Variants in HMCN1 observed in about 807,000 individuals in gnomAD.
HMCN1 encodes hemicentin-1.
A neutral mutation model predicts 625.9 loss-of-function variants in HMCN1; 321 were observed. That is an observed-to-expected ratio of 0.51 (90% CI 0.47 to 0.56). The LOEUF (loss-of-function observed/expected upper bound fraction) is 0.56, where lower values mean the gene tolerates loss of function less well. HMCN1 is among the 20% of genes least tolerant of loss of function. The pLI is 0.00. For synonymous variants in HMCN1, 2,425 were observed against 2,417.6 expected, an observed-to-expected ratio of 1.00 and a Z score of -0.09; for missense variants, 6,588 against 6,887.3, an observed-to-expected ratio of 0.96 and a Z score of 1.54.
intron 97 of HMCN1, among the ~76,000 whole-genome samples, chr1:186,159,912 G>T (rs1158254225): frequency 2.6e-5 from 4 of 152,144 alleles, no homozygotes; most frequent in African/African-American, 4.8e-5. Context: ...CCTGGCTTTG[G>T]TATCAGGGTG....
chr1:186,017,782 T>C (rs1654459037), intron 33 of HMCN1, among the ~76,000 whole-genome samples: 1 of 152,046 alleles, frequency 6.6e-6, no homozygotes, highest in South Asian at 2.1e-4. Context: ...ATTTTTCTAA[T>C]TTTTAATTTT....
At chr1:186,104,776 A>G (rs1385666579) in intron 69 of HMCN1, among the ~76,000 whole-genome samples, 1 of 152,240 alleles carries the variant, frequency 6.6e-6, no homozygotes, top group Non-Finnish European at 1.5e-5. Flanking sequence ...CTTCGAGTGC[A>G]TACCTTCCAT....
At position 186,088,296 on chromosome 1, in the gene HMCN1, TTG is replaced by T. The variant is rs140371542; in HGVS notation, c.9577+34_9577+35del. 9.2e-5 allele frequency: 148 copies of T among 1,609,806 alleles called. No individual in the cohort carries two copies. Among genetic ancestry groups the T allele is most frequent in the African/African-American group, 1.6e-4 (12 of 74,626 alleles). ...GCATAGGTAAGGCAACCATGCATTT[TTG>T]TGTGTGTGTGTGTTTTTTTCTCTTG... On this transcript the variant is annotated intron_variant, in intron 62 of 106. Transcript: ENST00000271588.
chr1:185,867,858 C>T (rs1431113662), intron 4 of HMCN1, among the ~76,000 whole-genome samples: 2 of 152,210 alleles, frequency 1.3e-5, no homozygotes, highest in Non-Finnish European at 2.9e-5. Context: ...ATCACAAGGT[C>T]AGGAGTTCGA....
At chr1:185,886,196 A>G (rs1174459436) in intron 4 of HMCN1, among the ~76,000 whole-genome samples, 1 of 150,924 alleles carries the variant, frequency 6.6e-6, no homozygotes, top group Non-Finnish European at 1.5e-5. Flanking sequence ...TAGCCTTTTT[A>G]CTGCGTGTTC....
intron 6 of HMCN1, 72 bp from the exon 7 acceptor site, chr1:185,922,307 T>C: frequency 6.4e-7 from 1 of 1,562,922 alleles, no homozygotes; most frequent in Non-Finnish European, 8.8e-7. Context: ...CAGTTTCCCA[T>C]ACTGGCGAGG....
At chr1:186,154,760 G>T (rs1650887214) in intron 97 of HMCN1, among the ~76,000 whole-genome samples, 1 of 152,124 alleles carries the variant, frequency 6.6e-6, no homozygotes, top group Non-Finnish European at 1.5e-5. Context: ...TCTTGTTCCT[G>T]GAAGTTATAA....
intron 1 of HMCN1, among the ~76,000 whole-genome samples, chr1:185,740,480 CT>C (rs768632025): frequency 2.0e-5 from 3 of 152,070 alleles, no homozygotes; most frequent in Non-Finnish European, 4.4e-5. Context: ...TTTGGCTTGA[CT>C]GATGCTATGG....
chr1:186,048,695 C>G (rs376627230), intron 41 of HMCN1, 48 bp from the exon 42 acceptor site: 1 of 1,110,274 alleles, frequency 9.0e-7, no homozygotes, highest in African/African-American at 1.5e-5. Context: ...ATTAAAAAAC[C>G]CCAAGTGAAA....
At chr1:185,886,551 A>T (rs1302944928) in intron 4 of HMCN1, among the ~76,000 whole-genome samples, 2 of 151,764 alleles carry the variant, frequency 1.3e-5, no homozygotes, top group Non-Finnish European at 2.9e-5. Flanking sequence ...AGATTTTCTC[A>T]TCTTAAATCA....
rs150809760 is a variant in HMCN1 at position 185,977,974 on chromosome 1, T to C, written c.2559T>C (p.Phe853=). The C allele has an allele frequency of 2.7e-4, 437 of 1,607,888 alleles. 1 individual carries two copies. The African/African-American group carries it at 5.3e-3, about 19-fold the overall frequency. ...GCCAACTAAGAACAGGAGCTCTCTT[T>C]ATTTTAAGTAGGTTGAAGGAAATAT... The part of the protein sequence containing the change: ...SISQLRTGAL[F]ILNLWASDKG... Residue 853 remains phenylalanine (F), a synonymous_variant, in exon 16 of 107, where the codon TTT becomes TTC. Coordinates refer to ENST00000271588, the MANE Select transcript of HMCN1 (RefSeq NM_031935.3).
intron 101 of HMCN1, 89 bp from the exon 102 acceptor site, chr1:186,171,917 A>T: frequency 8.3e-7 from 1 of 1,198,358 alleles, no homozygotes. Context: ...ATATATAAAT[A>T]ATATCCCTAA....
intron 81 of HMCN1, among the ~76,000 whole-genome samples, chr1:186,124,118 A>G (rs942186231): frequency 6.6e-6 from 1 of 152,134 alleles, no homozygotes; most frequent in African/African-American, 2.4e-5. Flanking sequence ...TCAAATGTCT[A>G]TAGAAAATTT....
intron 80 of HMCN1, among the ~76,000 whole-genome samples, chr1:186,120,492 C>T (rs1460071632): frequency 6.6e-6 from 1 of 152,140 alleles, no homozygotes; most frequent in Non-Finnish European, 1.5e-5. Flanking sequence ...TGGATTATAA[C>T]GTTCCACTTA....
intron 30 of HMCN1, among the ~76,000 whole-genome samples, chr1:186,012,724 G>A (rs911095996): frequency 1.3e-5 from 2 of 152,066 alleles, no homozygotes; most frequent in African/African-American, 2.4e-5. Flanking sequence ...ATTTAGTTTG[G>A]TTGTAGCCTT....
chr1:185,759,392 C>A (rs1312221712), intron 1 of HMCN1, among the ~76,000 whole-genome samples: 8 of 152,034 alleles, frequency 5.3e-5, no homozygotes, highest in Admixed American at 5.2e-4. Flanking sequence ...CTATCCTGAC[C>A]AAAGCATGAA....
chr1:186,044,607 G>A (rs1025042486), intron 40 of HMCN1, among the ~76,000 whole-genome samples: 2 of 152,032 alleles, frequency 1.3e-5, no homozygotes, highest in Admixed American at 1.3e-4. Context: ...CAAAAATCTT[G>A]TTTCTACCAG....
intron 22 of HMCN1, among the ~76,000 whole-genome samples, chr1:185,992,890 G>A (rs1468887580): frequency 6.6e-6 from 1 of 152,042 alleles, no homozygotes; most frequent in Non-Finnish European, 1.5e-5. Flanking sequence ...TAAATACAAA[G>A]TTAACTCAAA....
intron 15 of HMCN1, 119 bp downstream of exon 15, chr1:185,970,612 C>A (rs1344348016): frequency 2.4e-6 from 2 of 837,656 alleles, no homozygotes; most frequent in Non-Finnish European, 2.0e-6. Context: ...TTAGAGGGTG[C>A]ATTTCAGATT....
Sources: gnomAD v4.1 joint callset for allele counts (sites outside exome capture counted in the v4.1 genomes callset) on GRCh38, gnomAD v4.1.1 for gene constraint, MANE v1.5 for transcripts, NCBI Gene and HGNC (gene_info 2026-07-23, HGNC 2026-07-21) for gene names.